Variants in PAFAH1B1 observed in about 807,000 individuals in gnomAD.
PAFAH1B1 encodes platelet-activating factor acetylhydrolase IB subunit beta.
PAFAH1B1 carries 2 observed loss-of-function variants against 57.5 expected under a neutral mutation model. That is an observed-to-expected ratio of 0.03 (90% CI 0.01 to 0.11). PAFAH1B1 has a LOEUF of 0.11. Among genes scored for constraint, PAFAH1B1 ranks in the 10% least tolerant of loss-of-function variants. The pLI, the probability that PAFAH1B1 is intolerant of heterozygous loss-of-function variation, is 1.00. For synonymous variants in PAFAH1B1, 152 were observed against 169.6 expected, an observed-to-expected ratio of 0.90 and a Z score of 0.81; for missense variants, 257 against 512.0, an observed-to-expected ratio of 0.50 and a Z score of 4.81.
At chr17:2,640,494 C>T (rs1297271637) in intron 2 of PAFAH1B1, 5 of 144,442 alleles carry the variant, frequency 3.5e-5, no homozygotes, top group Admixed American at 1.4e-4. Context: ...CACTGTCACT[C>T]GGGCTGGAGT....
chr17:2,652,236 C>T (rs1041779148), intron 2 of PAFAH1B1, among the ~76,000 whole-genome samples: 12 of 151,756 alleles, frequency 7.9e-5, no homozygotes, highest in Non-Finnish European at 1.2e-4. Context: ...CGGTGAAACC[C>T]CGTCTCTACT....
chr17:2,642,809 C>A (rs949374330), intron 2 of PAFAH1B1, among the ~76,000 whole-genome samples: 1 of 152,100 alleles, frequency 6.6e-6, no homozygotes, highest in Non-Finnish European at 1.5e-5. Flanking sequence ...TGGTATTACT[C>A]ATTTGAAATA....
chr17:2,682,059 T>G lies in PAFAH1B1; in HGVS notation c.*257T>G. 2.5e-6 allele frequency: 1 copy of G among 399,388 alleles called. No individual in the cohort carries two copies. The highest frequency in any genetic ancestry group is 5.9e-5 in the South Asian group (1 of 16,860). The allele number at this position is 399,388 out of a possible 1,614,324, so 24.7% of individuals were successfully genotyped here. A position where few individuals can be genotyped will look rare whatever the true frequency, so the allele number is the denominator to read the frequency against. ...GGGCTGGCATTGGTCACACCAGGCC[T>G]AAGAAGGCAGAAGTTGAATCAATTG... is the stretch of plus-strand genomic sequence containing the variant. On this transcript the variant is annotated 3_prime_UTR_variant, in exon 11 of 11. Transcript: ENST00000397195.
At chr17:2,643,083 C>G (rs943742536) in intron 2 of PAFAH1B1, among the ~76,000 whole-genome samples, 8 of 151,538 alleles carry the variant, frequency 5.3e-5, no homozygotes, top group African/African-American at 1.9e-4. Flanking sequence ...TGTATATGTT[C>G]TTTGTTTGTT....
At chr17:2,594,112 C>T (rs560814991) in intron 1 of PAFAH1B1, 106 bp downstream of exon 1, 3 of 397,008 alleles carry the variant, frequency 7.6e-6, no homozygotes, top group African/African-American at 4.1e-5. Flanking sequence ...CGGTCCCCTC[C>T]CTCCCATTCT....
rs770011553 is a variant in PAFAH1B1, at chr17:2,606,810, C to CTT, written c.-191+12830_-191+12831dup. On this transcript the variant is annotated intron_variant, in intron 1 of 10. Coordinates refer to ENST00000397195, the MANE Select transcript of PAFAH1B1 (RefSeq NM_000430.4). ...ACATTTTGTCATATTTGCCTCAGAG[C>CTT]TTTTTTTTTTTTTTTTTTTTTTTTT... Among the ~76,000 whole-genome samples, 136 of 101,704 alleles carry CTT rather than the reference C, an allele frequency of 1.3e-3. 10 individuals are homozygous for CTT. The highest frequency in any genetic ancestry group is 1.8e-3 in the Non-Finnish European group (89 of 50,320). 66.7% of individuals were successfully genotyped at this position (101,704 alleles called of 152,430 possible).
intron 4 of PAFAH1B1, 71 bp from the exon 5 acceptor site, chr17:2,666,921 C>T (rs1375292476): frequency 2.0e-5 from 23 of 1,154,074 alleles, no homozygotes; most frequent in East Asian, 7.3e-5. Flanking sequence ...AAAATAAAGG[C>T]AGTTTTTTAA....
intron 1 of PAFAH1B1, among the ~76,000 whole-genome samples, chr17:2,618,009 G>T (rs1440775973): frequency 6.6e-6 from 1 of 152,146 alleles, no homozygotes; most frequent in Non-Finnish European, 1.5e-5. Flanking sequence ...AGCACTTTGG[G>T]AGGCCGAGGT....
At chr17:2,623,207 T>C (rs1203115403) in intron 1 of PAFAH1B1, among the ~76,000 whole-genome samples, 1 of 152,082 alleles carries the variant, frequency 6.6e-6, no homozygotes, top group Non-Finnish European at 1.5e-5. Context: ...TTGCTTCTTA[T>C]GCAGATTTCT....
intron 1 of PAFAH1B1, among the ~76,000 whole-genome samples, chr17:2,607,329 G>A (rs1488832256): frequency 6.6e-6 from 1 of 151,334 alleles, no homozygotes; most frequent in Admixed American, 6.6e-5. Context: ...GTGCACCAGC[G>A]TGCCCGGCTG....
intron 9 of PAFAH1B1, among the ~76,000 whole-genome samples, chr17:2,679,399 T>G (rs1328676615): frequency 1.3e-5 from 2 of 150,508 alleles, no homozygotes; most frequent in Non-Finnish European, 3.0e-5. Context: ...GATGGATGGA[T>G]GGATGATTGG....
intron 10 of PAFAH1B1, 147 bp downstream of exon 10, chr17:2,680,467 T>C: frequency 1.3e-6 from 1 of 767,384 alleles, no homozygotes; most frequent in Non-Finnish European, 2.3e-6. Flanking sequence ...TGTGGATTCC[T>C]ACCATTTGTT....
At chr17:2,618,882 G>A (rs750783657) in intron 1 of PAFAH1B1, among the ~76,000 whole-genome samples, 10 of 148,636 alleles carry the variant, frequency 6.7e-5, no homozygotes, top group Non-Finnish European at 8.9e-5. Flanking sequence ...TTGAACCCAG[G>A]AGGTGGAGAC....
rs539610716 is a variant in PAFAH1B1 at position 2,606,180 on chromosome 17, TG to T, written c.-191+12175del. 2.8e-3 allele frequency among the ~76,000 whole-genome samples: 424 copies of T among 152,218 alleles called. 3 individuals carry two copies. The highest frequency in any genetic ancestry group is 4.4e-3 in the Admixed American group (68 of 15,284). ...TAGATTTCCCCAAGGTCACACAGTTTGTAAGGAGCCAGATTGATATATGAAT... is the reference window on the plus strand; with the variant it reads ...TAGATTTCCCCAAGGTCACACAGTTTTAAGGAGCCAGATTGATATATGAAT... On this transcript the variant is annotated intron_variant, in intron 1 of 10. Transcript: ENST00000397195.
chr17:2,653,341 G>T (rs951861359), intron 2 of PAFAH1B1, among the ~76,000 whole-genome samples: 5 of 151,930 alleles, frequency 3.3e-5, no homozygotes, highest in Non-Finnish European at 7.4e-5. Flanking sequence ...AATGGGTGCA[G>T]CACACCAACA....
At chr17:2,662,519 T>A (rs1012098817) in intron 2 of PAFAH1B1, among the ~76,000 whole-genome samples, 14 of 150,914 alleles carry the variant, frequency 9.3e-5, no homozygotes, top group African/African-American at 3.4e-4. Context: ...TTCTCCTGCC[T>A]CAGCCTCCCA....
Position 2,670,264 on chromosome 17 carries a change from C to T in PAFAH1B1, c.501C>T (p.Ser167=), listed in dbSNP as rs147910544. The T allele has an allele frequency of 3.4e-5, 55 of 1,614,080 alleles. 1 individual carries two copies. The highest frequency in any genetic ancestry group is 1.6e-4 in the Middle Eastern group (1 of 6,084). Residue 167 remains serine (S), a synonymous_variant, in exon 6 of 11, where the codon TCC becomes TCT. Transcript: ENST00000397195. ...ACCACAGCGGCAAGCTTCTGGCTTC[C>T]TGTTCTGCAGATATGACCATTAAAC... ...SFDHSGKLLA[S]CSADMTIKLW... is the part of the protein sequence containing the mutation.
At position 2,665,998 on chromosome 17, in the gene PAFAH1B1, T is replaced by A; in HGVS notation, c.118-18T>A. On this transcript the variant is annotated intron_variant, in intron 3 of 10. Coordinates refer to ENST00000397195, the MANE Select transcript of PAFAH1B1 (RefSeq NM_000430.4). ...TAGTTAAGCCATTTTTTAAAAATTC[T>A]AAATTTATTTTCTCTAGAATGAAGA... The A allele has an allele frequency of 6.8e-7, 1 of 1,468,656 alleles. No homozygotes were observed. Among genetic ancestry groups the A allele is most frequent in the South Asian group, 1.2e-5 (1 of 81,380 alleles). 91.0% of individuals were successfully genotyped at this position (1,468,656 alleles called of 1,614,324 possible).
intron 9 of PAFAH1B1, among the ~76,000 whole-genome samples, chr17:2,677,669 A>G (rs954849603): frequency 1.3e-5 from 2 of 152,076 alleles, no homozygotes; most frequent in African/African-American, 4.8e-5. Context: ...CCTGGCTAAC[A>G]TGGTGAAACC....
Sources: gnomAD v4.1 joint callset for allele counts (sites outside exome capture counted in the v4.1 genomes callset) on GRCh38, gnomAD v4.1.1 for gene constraint, MANE v1.5 for transcripts, NCBI Gene and HGNC (gene_info 2026-07-23, HGNC 2026-07-21) for gene names.